The following LUZP1 variants were observed in gnomAD, a reference collection of about 807,000 sequenced individuals.
LUZP1 encodes leucine zipper protein 1.
Under a neutral mutation model 71.3 loss-of-function variants are expected in LUZP1, and 25 were observed. The observed-to-expected ratio is 0.35, with a 90% CI of 0.26 to 0.49. The LOEUF is 0.49. Ranked by LOEUF, LUZP1 falls within the 20% of genes least tolerant of loss-of-function variation. The probability of loss-of-function intolerance (pLI) is 0.99; values close to 1 mark genes in which losing one functional copy is unlikely to be tolerated. For synonymous variants in LUZP1, 481 were observed against 506.4 expected, an observed-to-expected ratio of 0.95 and a Z score of 0.67; for missense variants, 1,142 against 1,300.8, an observed-to-expected ratio of 0.88 and a Z score of 1.88.
At chr1:23,097,405 A>C (rs1308305754) in intron 3 of LUZP1, among the ~76,000 whole-genome samples, 1 of 152,218 alleles carries the variant, frequency 6.6e-6, no homozygotes, top group African/African-American at 2.4e-5. Flanking sequence ...AATCCAGGCA[A>C]AACATAGTTA....
chr1:23,084,233 A>AAAGTC (rs1303929346), exon 5 of LUZP1: 1 of 152,182 alleles, frequency 6.6e-6, no homozygotes, highest in East Asian at 1.9e-4. Context: ...CTGGAAGCTT[A>AAAGTC]AAGTCTAAAA....
At chr1:23,160,139 T>C (rs1293136492) in intron 2 of LUZP1, among the ~76,000 whole-genome samples, 1 of 152,228 alleles carries the variant, frequency 6.6e-6, no homozygotes, top group Non-Finnish European at 1.5e-5. Flanking sequence ...TTGAAATATG[T>C]ACTGAGTTAA....
intron 3 of LUZP1, among the ~76,000 whole-genome samples, chr1:23,106,409 A>G (rs1643981836): frequency 6.6e-6 from 1 of 152,120 alleles, no homozygotes; most frequent in African/African-American, 2.4e-5. Flanking sequence ...GTTCAAGACC[A>G]GCCTCGGCAA....
At chr1:23,126,614 C>CATAT (rs1210744500) in intron 2 of LUZP1, among the ~76,000 whole-genome samples, 1 of 152,220 alleles carries the variant, frequency 6.6e-6, no homozygotes, top group Non-Finnish European at 1.5e-5. Flanking sequence ...CAGTACCTGG[C>CATAT]ATATGACAGA....
At chr1:23,159,805 T>C (rs752720413) in intron 2 of LUZP1, among the ~76,000 whole-genome samples, 2 of 152,100 alleles carry the variant, frequency 1.3e-5, no homozygotes, top group Non-Finnish European at 2.9e-5. Flanking sequence ...GCCAACATGG[T>C]GAAACCCCTG....
At chr1:23,120,320 A>C (rs1356500395) in intron 2 of LUZP1, among the ~76,000 whole-genome samples, 1 of 152,096 alleles carries the variant, frequency 6.6e-6, no homozygotes, top group Non-Finnish European at 1.5e-5. Flanking sequence ...GGGCCTCAGA[A>C]GTGCATGCCT....
At chr1:23,133,167 T>A (rs967133813) in intron 2 of LUZP1, among the ~76,000 whole-genome samples, 1 of 152,234 alleles carries the variant, frequency 6.6e-6, no homozygotes, top group Non-Finnish European at 1.5e-5. Context: ...CCCAAGGAGA[T>A]AAGTCTATGA....
intron 2 of LUZP1, among the ~76,000 whole-genome samples, chr1:23,115,355 T>C (rs770119159): frequency 1.3e-5 from 2 of 152,198 alleles, no homozygotes; most frequent in South Asian, 2.1e-4. Context: ...CCCATCTCTA[T>C]GTGTCAGGTT....
chr1:23,169,971 TAC>T (rs35087847), intron 1 of LUZP1, among the ~76,000 whole-genome samples: 60,250 of 149,112 alleles, frequency 0.4, 14,280 homozygotes, highest in East Asian at 0.54. Flanking sequence ...TTCCTACCTT[TAC>T]ACACACACAC....
At chr1:23,098,778 C>A (rs1643910255) in intron 3 of LUZP1, among the ~76,000 whole-genome samples, 1 of 152,192 alleles carries the variant, frequency 6.6e-6, no homozygotes, top group South Asian at 2.1e-4. Context: ...ATGACTCCAA[C>A]AATGATCCTA....
intron 2 of LUZP1, among the ~76,000 whole-genome samples, chr1:23,119,607 A>G (rs926453389): frequency 6.6e-6 from 1 of 152,174 alleles, no homozygotes; most frequent in African/African-American, 2.4e-5. Flanking sequence ...TATCTCTAGT[A>G]TAGCACTTAT....
intron 2 of LUZP1, among the ~76,000 whole-genome samples, chr1:23,156,234 G>T (rs1253551980): frequency 1.3e-5 from 2 of 152,078 alleles, no homozygotes; most frequent in East Asian, 3.9e-4. Flanking sequence ...ACAAAAATTA[G>T]CCAGGCATGG....
chr1:23,171,117 T>TAA (rs1644550714), intron 1 of LUZP1, among the ~76,000 whole-genome samples: 3 of 136,172 alleles, frequency 2.2e-5, no homozygotes, highest in Non-Finnish European at 3.1e-5. Context: ...TATATATATA[T>TAA]AATTACTGTA....
intron 2 of LUZP1, among the ~76,000 whole-genome samples, chr1:23,149,956 G>A (rs1258203292): frequency 2.0e-4 from 12 of 59,408 alleles, no homozygotes; most frequent in South Asian, 1.5e-3. Context: ...GCCAGACTCC[G>A]TCTCAAAAAA....
intron 2 of LUZP1, among the ~76,000 whole-genome samples, chr1:23,114,390 C>T (rs1644059995): frequency 1.3e-5 from 2 of 152,118 alleles, no homozygotes; most frequent in Admixed American, 1.3e-4. Context: ...AAAAAGCCAA[C>T]ATGGTAAACA....
chr1:23,120,307 C>G (rs1359927771), intron 2 of LUZP1, among the ~76,000 whole-genome samples: 1 of 152,102 alleles, frequency 6.6e-6, no homozygotes. Flanking sequence ...GATATCCTGA[C>G]AAGGGCCTCA....
intron 2 of LUZP1, among the ~76,000 whole-genome samples, chr1:23,155,719 G>C (rs1644416589): frequency 6.6e-6 from 1 of 152,262 alleles, no homozygotes; most frequent in African/African-American, 2.4e-5. Context: ...GGAAGGCTGA[G>C]ATGAGGGAAT....
In LUZP1 at chr1:23,095,269, A is replaced by G. The variant is rs540063606; in HGVS notation, c.-119-889T>C. Among the ~76,000 whole-genome samples, 47 of 152,334 alleles carry G rather than the reference A, an allele frequency of 3.1e-4. No individual in the cohort carries two copies. In the South Asian group the frequency reaches 7.5e-3, roughly 24 times the overall value. ...GTATTTTAAACAGCTTTCATGAACAATAAGTCCTACGAAATTAAAAGGCAA... is the reference window on the plus strand; with the variant it reads ...GTATTTTAAACAGCTTTCATGAACAGTAAGTCCTACGAAATTAAAAGGCAA... On this transcript the variant is annotated intron_variant, in intron 3 of 4. Coordinates refer to ENST00000302291, the Ensembl canonical transcript of LUZP1.
chr1:23,128,024 G>A (rs191441721), intron 2 of LUZP1, among the ~76,000 whole-genome samples: 45 of 152,094 alleles, frequency 3.0e-4, no homozygotes, highest in African/African-American at 6.7e-4. Context: ...CCAGCTACTC[G>A]GGAGGCTGAG....
Sources: gnomAD v4.1 joint callset for allele counts (sites outside exome capture counted in the v4.1 genomes callset) on GRCh38, gnomAD v4.1.1 for gene constraint, MANE v1.5 for transcripts, NCBI Gene and HGNC (gene_info 2026-07-23, HGNC 2026-07-21) for gene names.